The following CACNA1A variants were observed in gnomAD, a reference collection of about 807,000 sequenced individuals.
CACNA1A encodes the protein calcium voltage-gated channel subunit alpha1 A, also known as voltage-dependent P/Q-type calcium channel subunit alpha-1A.
Under a neutral mutation model 262.4 loss-of-function variants are expected in CACNA1A, and 57 were observed. The ratio of observed to expected loss-of-function variants is 0.22; its 90% CI spans 0.18 to 0.27. The LOEUF is 0.27. Among genes scored for constraint, CACNA1A ranks in the 10% least tolerant of loss-of-function variants. The pLI, the probability that CACNA1A is intolerant of heterozygous loss-of-function variation, is 1.00. For missense variants in CACNA1A, 2,526 were observed against 3,562.8 expected, an observed-to-expected ratio of 0.71 and a Z score of 7.41; for synonymous variants, 1,431 against 1,419.3, an observed-to-expected ratio of 1.01 and a Z score of -0.18.
intron 43 of CACNA1A, chr19:13,210,941 G>T: frequency 1.9e-6 from 1 of 524,072 alleles, no homozygotes; most frequent in Non-Finnish European, 3.4e-6. Context: ...GGGACCGAAA[G>T]ACAGGACGGC....
chr19:13,441,580 C>A (rs1366044435), intron 3 of CACNA1A, among the ~76,000 whole-genome samples: 1 of 149,750 alleles, frequency 6.7e-6, no homozygotes, highest in African/African-American at 2.5e-5. Context: ...GGTGGGAGTG[C>A]TTGAACCTGG....
rs1383880057 is a variant in CACNA1A at position 13,276,045 on chromosome 19, G to A, written c.3883-89C>T. ...CCACTCTCTAGCCTCTCGGGGAGAG[G>A]CAGGGAAGCCAATGAGGCCACCTCA... is the stretch of plus-strand genomic sequence containing the variant. On this transcript the variant is annotated intron_variant, in intron 23 of 46. Transcript: ENST00000360228. The A allele has an allele frequency of 1.1e-5, 9 of 809,756 alleles. No individual in the cohort carries two copies. The Middle Eastern group carries it at 7.3e-4, about 65-fold the overall frequency. The allele number at this position is 809,756 out of a possible 1,614,324, so 50.2% of individuals were successfully genotyped here.
At chr19:13,228,910 G>A in intron 36 of CACNA1A, 2 of 540,936 alleles carry the variant, frequency 3.7e-6, no homozygotes, top group South Asian at 3.9e-5. Flanking sequence ...AGGAGTGGGA[G>A]AGACTGGGGA....
intron 3 of CACNA1A, among the ~76,000 whole-genome samples, chr19:13,426,822 G>A (rs2060410521): frequency 6.6e-6 from 1 of 152,178 alleles, no homozygotes; most frequent in African/African-American, 2.4e-5. Context: ...CAAGATCTGT[G>A]CTGTTATCCA....
intron 6 of CACNA1A, among the ~76,000 whole-genome samples, chr19:13,353,263 T>G (rs527435536): frequency 2.0e-5 from 3 of 151,674 alleles, no homozygotes. Flanking sequence ...GGACTACAGA[T>G]GTACGCCACT....
chr19:13,225,742 G>A (rs942071274), intron 37 of CACNA1A: 4 of 152,284 alleles, frequency 2.6e-5, no homozygotes, highest in East Asian at 1.9e-4. Context: ...GGGGAAGGAG[G>A]TGGGAAATAG....
chr19:13,247,421 C>T (rs1021058971), intron 30 of CACNA1A, among the ~76,000 whole-genome samples: 6 of 152,114 alleles, frequency 3.9e-5, no homozygotes, highest in African/African-American at 1.4e-4. Context: ...GGGCCGGGCG[C>T]GGTGGCTCAC....
intron 3 of CACNA1A, among the ~76,000 whole-genome samples, chr19:13,384,221 A>C (rs2059570230): frequency 6.6e-6 from 1 of 152,116 alleles, no homozygotes; most frequent in Non-Finnish European, 1.5e-5. Flanking sequence ...CCTAGTGAGT[A>C]CTCAATAAAT....
chr19:13,404,784 A>G (rs1224704565), intron 3 of CACNA1A, among the ~76,000 whole-genome samples: 1 of 152,192 alleles, frequency 6.6e-6, no homozygotes, highest in African/African-American at 2.4e-5. Flanking sequence ...AACGTGAACC[A>G]TCCCTGAGGG....
At chr19:13,280,770 G>C (rs142732650) in intron 22 of CACNA1A, among the ~76,000 whole-genome samples, 1 of 151,736 alleles carries the variant, frequency 6.6e-6, no homozygotes, top group African/African-American at 2.4e-5. Flanking sequence ...GTGAAACCCC[G>C]TCTCTACTAA....
intron 9 of CACNA1A, among the ~76,000 whole-genome samples, 164 bp from the exon 10 acceptor site, chr19:13,330,497 A>G (rs998807631): frequency 6.6e-6 from 1 of 152,216 alleles, no homozygotes; most frequent in Admixed American, 6.5e-5. Flanking sequence ...TCAAGGTGGC[A>G]CTATCACTTT....
intron 19 of CACNA1A, among the ~76,000 whole-genome samples, chr19:13,294,510 T>TTTTTTTA (rs2057620485): frequency 7.8e-5 from 11 of 140,236 alleles, no homozygotes; most frequent in Admixed American, 1.5e-4. Context: ...TTTTTTTTTT[T>TTTTTTTA]GAGACAGAGT....
rs2054633316 is a variant in CACNA1A, at chr19:13,208,049, C to T, written c.6785G>A (p.Ser2262Asn). Reference protein sequence around the residue: ...GREHMAHRQGSSSVSGSPAPS... With the variant: ...GREHMAHRQGNSSVSGSPAPS... ...GGCTGGGCTTCCACTTACGGAACTACTGCCCTACACGAAAATTGAAACAAA... is the reference window on the plus strand; with the variant it reads ...GGCTGGGCTTCCACTTACGGAACTATTGCCCTACACGAAAATTGAAACAAA... Residue 2262 changes from serine to asparagine, a missense_variant, in exon 47 of 47, where the codon AGT (serine) becomes AAT (asparagine). Physicochemically the swap from Ser to Asn is conservative, Grantham distance 46. Transcript: ENST00000360228. 7.8e-7 allele frequency: 1 copy of T among 1,281,404 alleles called. No homozygotes were observed. Among genetic ancestry groups the T allele is most frequent in the Non-Finnish European group, 9.8e-7 (1 of 1,018,244 alleles). The allele number at this position is 1,281,404 out of a possible 1,614,324, so 79.4% of individuals were successfully genotyped here.
chr19:13,355,359 TCCAGAACTGTCAGA>T (rs971711242), intron 6 of CACNA1A, among the ~76,000 whole-genome samples: 112 of 152,310 alleles, frequency 7.4e-4, no homozygotes, highest in African/African-American at 2.5e-3. Flanking sequence ...ACTTCTGGCT[TCCAGAACTGTCAGA>T]CCATAAATTC....
chr19:13,475,911 G>A (rs555397480), intron 1 of CACNA1A, among the ~76,000 whole-genome samples: 2 of 152,338 alleles, frequency 1.3e-5, no homozygotes, highest in Non-Finnish European at 2.9e-5. Flanking sequence ...GGGAAAAAGT[G>A]GGGGAGTTTT....
intron 3 of CACNA1A, among the ~76,000 whole-genome samples, chr19:13,412,603 G>A (rs7408175): frequency 0.73 from 111,157 of 151,260 alleles, 41,946 homozygotes; most frequent in South Asian, 0.88. Context: ...TCAGCCTCCC[G>A]AGTAGCTGAG....
chr19:13,247,594 G>A (rs566954864), intron 30 of CACNA1A, among the ~76,000 whole-genome samples: 8 of 151,974 alleles, frequency 5.3e-5, no homozygotes, highest in Admixed American at 3.9e-4. Context: ...CAGCTACTCC[G>A]GAGGCTGAGG....
At chr19:13,277,270 T>C (rs886508299) in intron 22 of CACNA1A, 142 bp from the exon 23 acceptor site, 2 of 603,166 alleles carry the variant, frequency 3.3e-6, no homozygotes, top group African/African-American at 1.9e-5. Context: ...GCGCAGGGCG[T>C]GCACTGCACA....
At chr19:13,481,511 C>T (rs1279628883) in intron 1 of CACNA1A, among the ~76,000 whole-genome samples, 1 of 151,980 alleles carries the variant, frequency 6.6e-6, no homozygotes, top group African/African-American at 2.4e-5. Flanking sequence ...CATCACAGAT[C>T]CTTGGAGGAG....
Sources: allele counts gnomAD v4.1 joint callset (sites outside exome capture counted in the v4.1 genomes callset), GRCh38; gene constraint gnomAD v4.1.1; transcripts MANE v1.5; gene names NCBI Gene and HGNC (gene_info 2026-07-23, HGNC 2026-07-21).